Variants in RASAL2 observed in about 807,000 individuals in gnomAD.
RASAL2 encodes the protein RAS protein activator like 2.
In RASAL2, 58 loss-of-function variants were observed where a neutral mutation model predicts 128.9. That is an observed-to-expected ratio of 0.45 (90% confidence interval 0.36 to 0.56). The LOEUF (loss-of-function observed/expected upper bound fraction) is 0.56. RASAL2 is among the 20% of genes least tolerant of loss of function. RASAL2 has a pLI of 0.00. For synonymous variants in RASAL2, 561 were observed against 580.8 expected (o/e 0.97, Z 0.49); for missense variants, 1,360 against 1,601.6 (o/e 0.85, Z 2.57).
intron 3 of RASAL2, 141 bp from the exon 4 acceptor site, chr1:178,389,955 AAGAT>A: frequency 1.8e-6 from 1 of 549,726 alleles, no homozygotes; most frequent in Admixed American, 3.5e-5. Flanking sequence ...AAGCACCTCA[AAGAT>A]AGATAAATTA....
chr1:178,396,047 G>A (rs1033409461), intron 4 of RASAL2, among the ~76,000 whole-genome samples: 3 of 151,840 alleles, frequency 2.0e-5, no homozygotes, highest in Non-Finnish European at 2.9e-5. Flanking sequence ...AAAGAATAAG[G>A]TTAGATACAA....
intron 4 of RASAL2, among the ~76,000 whole-genome samples, chr1:178,413,185 C>T (rs1364154412): frequency 6.6e-6 from 1 of 152,114 alleles, no homozygotes; most frequent in Non-Finnish European, 1.5e-5. Context: ...GTCTCAAACT[C>T]CTGACCTCAG....
chr1:178,243,686 C>T (rs1402615149), intron 1 of RASAL2, among the ~76,000 whole-genome samples: 1 of 151,926 alleles, frequency 6.6e-6, no homozygotes, highest in Non-Finnish European at 1.5e-5. Context: ...GCCTGGGTTG[C>T]CTTCTTTTAA....
chr1:178,350,389 TTTTTG>T (rs575633081), intron 3 of RASAL2, among the ~76,000 whole-genome samples: 20 of 152,232 alleles, frequency 1.3e-4, no homozygotes, highest in Admixed American at 4.6e-4. Flanking sequence ...CCTGGCTAAT[TTTTTG>T]TTTTGTTTTG....
rs532658911 is a variant in RASAL2, at chr1:178,389,284, C to T, written c.458-816C>T. On this transcript the variant is annotated intron_variant, in intron 3 of 17. Transcript: ENST00000367649. ...CCTTTATGTCTGTCAGTTGAAGTGG[C>T]GATGGGAAGCAGTTGTGATAAAGGT... The T allele has an allele frequency of 7.1e-6, 7 of 981,868 alleles. No individual in the cohort carries two copies. In the African/African-American group the frequency reaches 8.8e-5, roughly 12 times the overall value. 60.8% of individuals were successfully genotyped at this position (981,868 alleles called of 1,614,324 possible). A position where few individuals can be genotyped will look rare whatever the true frequency, so the allele number is the denominator to read the frequency against.
chr1:178,280,126 G>A (rs969849717), intron 1 of RASAL2, among the ~76,000 whole-genome samples: 2 of 152,014 alleles, frequency 1.3e-5, no homozygotes, highest in African/African-American at 4.8e-5. Context: ...CTGCTTGTCA[G>A]GTTTGGTATA....
At chr1:178,120,901 G>C (rs1215459360) in intron 1 of RASAL2, 1 of 152,298 alleles carries the variant, frequency 6.6e-6, no homozygotes, top group Non-Finnish European at 1.5e-5. Flanking sequence ...GAGCCATGGC[G>C]AACAGCTGTA....
At chr1:178,292,856 A>G (rs1667341611) in intron 2 of RASAL2, among the ~76,000 whole-genome samples, 1 of 152,192 alleles carries the variant, frequency 6.6e-6, no homozygotes, top group African/African-American at 2.4e-5. Flanking sequence ...ATTTTTCTTA[A>G]TGCAAACTCT....
At chr1:178,466,860 G>A (rs959565793) in intron 16 of RASAL2, among the ~76,000 whole-genome samples, 4 of 152,178 alleles carry the variant, frequency 2.6e-5, no homozygotes, top group Non-Finnish European at 4.4e-5. Context: ...CTTACTGAGA[G>A]GTGTTTGGGT....
chr1:178,194,126 A>G lies in RASAL2; in HGVS notation c.203-89438A>G, dbSNP rs1469263154. Among the ~76,000 whole-genome samples the G allele has an allele frequency of 2.6e-5, 4 of 152,208 alleles. No homozygotes were observed. The East Asian group carries it at 7.7e-4, about 29-fold the overall frequency. On this transcript the variant is annotated intron_variant, in intron 1 of 17. Coordinates refer to ENST00000367649, the MANE Select transcript of RASAL2 (RefSeq NM_170692.4). ...ATATAGAAACATACATCATGAGAAC[A>G]AGAACTATCACCCATCCCTTCTGTA...
chr1:178,424,999 A>T (rs1675429462), intron 5 of RASAL2, among the ~76,000 whole-genome samples: 1 of 152,196 alleles, frequency 6.6e-6, no homozygotes, highest in Admixed American at 6.5e-5. Flanking sequence ...TAGCATAGAG[A>T]ACCAAAGATA....
rs1415101935 is a variant in RASAL2 at position 178,310,903 on chromosome 1, G to A, written c.457+10785G>A. Reference sequence around the variant, plus strand: ...AGTCATTTGTATAGGCTATTGTCATGGTTACTGTTCCCAGTTTGTACAGTC... The same window carrying A: ...AGTCATTTGTATAGGCTATTGTCATAGTTACTGTTCCCAGTTTGTACAGTC... On this transcript the variant is annotated intron_variant, in intron 3 of 17. Transcript: ENST00000367649. 2.0e-5 allele frequency among the ~76,000 whole-genome samples: 3 copies of A among 152,112 alleles called. No homozygotes were observed. The East Asian group carries it at 5.8e-4, about 29-fold the overall frequency.
chr1:178,429,143 G>A (rs1025375930), intron 5 of RASAL2, among the ~76,000 whole-genome samples: 1 of 152,000 alleles, frequency 6.6e-6, no homozygotes, highest in Admixed American at 6.6e-5. Context: ...GCTCACTTGC[G>A]AATCCTTTCT....
intron 1 of RASAL2, among the ~76,000 whole-genome samples, chr1:178,172,460 A>C (rs1339815516): frequency 6.6e-6 from 1 of 151,996 alleles, no homozygotes; most frequent in African/African-American, 2.4e-5. Context: ...ATTTAAATCT[A>C]ATATTGTTAT....
chr1:178,346,534 C>T (rs757350329), intron 3 of RASAL2, among the ~76,000 whole-genome samples: 13 of 152,060 alleles, frequency 8.5e-5, no homozygotes, highest in East Asian at 7.7e-4. Flanking sequence ...ACAATAAATA[C>T]GCTATTATAT....
chr1:178,140,408 T>C (rs1660483544), intron 1 of RASAL2, among the ~76,000 whole-genome samples: 1 of 152,352 alleles, frequency 6.6e-6, no homozygotes, highest in South Asian at 2.1e-4. Flanking sequence ...CATAATGCCA[T>C]ATCTCTACCA....
At chr1:178,204,451 A>G (rs1558113396) in intron 1 of RASAL2, among the ~76,000 whole-genome samples, 1 of 152,186 alleles carries the variant, frequency 6.6e-6, no homozygotes, top group Admixed American at 6.5e-5. Context: ...TCATCTCTGT[A>G]TCTTTGATAG....
intron 1 of RASAL2, among the ~76,000 whole-genome samples, chr1:178,105,734 G>A (rs560428895): frequency 1.3e-5 from 2 of 151,296 alleles, no homozygotes; most frequent in East Asian, 3.9e-4. Context: ...TCAGGCTGGA[G>A]TGCTGTGGCT....
At chr1:178,446,377 TTTTA>T (rs1187002106) in intron 9 of RASAL2, among the ~76,000 whole-genome samples, 50 of 152,330 alleles carry the variant, frequency 3.3e-4, no homozygotes, top group East Asian at 3.9e-4. Context: ...GTGTGAATAC[TTTTA>T]TTTATTTTTA....
Sources: gnomAD v4.1 joint callset for allele counts (sites outside exome capture counted in the v4.1 genomes callset) on GRCh38, gnomAD v4.1.1 for gene constraint, MANE v1.5 for transcripts, NCBI Gene and HGNC (gene_info 2026-07-23, HGNC 2026-07-21) for gene names.